GYG2: variants seen among roughly 807,000 people sequenced by gnomAD.
GYG2 encodes the protein glycogenin-2.
In GYG2, 29 loss-of-function variants were observed where a neutral mutation model predicts 29.4. That is an observed-to-expected ratio of 0.99 (90% confidence interval 0.74 to 1.35). The LOEUF is 1.35. Among genes scored for constraint, GYG2 ranks in the 40% most tolerant of loss-of-function variants. The pLI, the probability that GYG2 is intolerant of heterozygous loss-of-function variation, is 0.00. For missense variants in GYG2, 370 were observed against 385.7 expected (o/e 0.96, Z 0.34); for synonymous variants, 167 against 172.3 (o/e 0.97, Z 0.24).
chrX:2,850,847 C>T (rs931567464), intron 3 of GYG2, among the ~76,000 whole-genome samples: 2 of 110,505 alleles, frequency 1.8e-5, no homozygotes, highest in African/African-American at 3.3e-5. Flanking sequence ...ACTCTCTTTT[C>T]GGACTCAGCC....
rs769688516 is a variant in GYG2, at chrX:2,880,928, G to C, written c.1252-124G>C. On this transcript the variant is annotated intron_variant, in intron 10 of 10. Coordinates refer to ENST00000398806, the MANE Select transcript of GYG2 (RefSeq NM_001079855.2). The stretch of plus-strand genomic sequence containing the variant: ...ATTAAAAACAAAGTGCTAGTGATTC[G>C]CAATCTCTTTTTGAGAACTGAGATG... 3.4e-4 allele frequency: 194 copies of C among 574,981 alleles called. 1 individual carries two copies. The South Asian group carries it at 5.2e-3, about 15-fold the overall frequency. The allele number at this position is 574,981 out of a possible 1,213,427, so 47.4% of individuals were successfully genotyped here. A position where few individuals can be genotyped will look rare whatever the true frequency, so the allele number is the denominator to read the frequency against.
At chrX:2,857,107 A>G (rs62643586) in intron 6 of GYG2, among the ~76,000 whole-genome samples, 11,084 of 108,393 alleles carry the variant, frequency 0.1, 553 homozygotes, top group South Asian at 0.3. Context: ...AGATATCTAT[A>G]TACATTGATC....
chrX:2,868,236 G>A (rs1409654241), intron 8 of GYG2, among the ~76,000 whole-genome samples: 3 of 110,103 alleles, frequency 2.7e-5, no homozygotes, highest in South Asian at 7.9e-4. Flanking sequence ...GGCCGGGCAC[G>A]GTGGCTCACA....
rs779061573 is a variant in GYG2, at chrX:2,855,822, G to A, written c.487+667G>A. On this transcript the variant is annotated intron_variant, in intron 5 of 10. Transcript: ENST00000398806. The stretch of plus-strand genomic sequence containing the variant: ...CACCTGTAGTCCCCAAGCCCTGGGA[G>A]GCTGAGTTGGGAGCAGCAGCTGAGC... 7.2e-4 allele frequency among the ~76,000 whole-genome samples: 81 copies of A among 112,171 alleles called. 1 individual carries two copies. The highest frequency in any genetic ancestry group is 2.6e-3 in the African/African-American group (79 of 30,957).
At position 2,882,651 on chromosome X, in the gene GYG2, T is replaced by C. The variant is rs2088741150; in HGVS notation, c.*1438T>C. On this transcript the variant is annotated 3_prime_UTR_variant, in exon 11 of 11. Coordinates refer to ENST00000398806, the MANE Select transcript of GYG2 (RefSeq NM_001079855.2). ...GGCTTTCAGAAGGAGACCACGGGAATGTTCAGGGAAACAATGTCAGCTTCT... is the reference window on the plus strand; with the variant it reads ...GGCTTTCAGAAGGAGACCACGGGAACGTTCAGGGAAACAATGTCAGCTTCT... 9.1e-6 allele frequency: 1 copy of C among 110,314 alleles called. No homozygotes were observed. The highest frequency in any genetic ancestry group is 3.3e-5 in the African/African-American group (1 of 30,212). 9.1% of individuals were successfully genotyped at this position (110,314 alleles called of 1,213,427 possible).
At chrX:2,872,600 C>T (rs2088498674) in intron 8 of GYG2, among the ~76,000 whole-genome samples, 1 of 112,250 alleles carries the variant, frequency 8.9e-6, no homozygotes, top group African/African-American at 3.2e-5. Flanking sequence ...ACATATAACC[C>T]CGAGTTAAAT....
intron 8 of GYG2, among the ~76,000 whole-genome samples, chrX:2,869,314 C>A (rs1480090821): frequency 1.8e-5 from 2 of 111,820 alleles, no homozygotes; most frequent in Non-Finnish European, 3.8e-5. Flanking sequence ...ACAGTTCCAT[C>A]TTGTATCAGA....
intron 2 of GYG2, among the ~76,000 whole-genome samples, chrX:2,839,893 A>G (rs1167264797): frequency 8.9e-6 from 1 of 112,557 alleles, no homozygotes; most frequent in Non-Finnish European, 1.9e-5. Flanking sequence ...GGTTGCCAGA[A>G]TGGGGAGTGA....
At chrX:2,837,131 CT>C (rs2087390938) in intron 2 of GYG2, among the ~76,000 whole-genome samples, 2 of 111,826 alleles carry the variant, frequency 1.8e-5, no homozygotes, top group Non-Finnish European at 3.8e-5. Flanking sequence ...ACAGACGAGG[CT>C]TCTGGGACTC....
chrX:2,851,519 C>T (rs2087873125), intron 3 of GYG2, among the ~76,000 whole-genome samples: 1 of 112,196 alleles, frequency 8.9e-6, no homozygotes, highest in Admixed American at 9.5e-5. Flanking sequence ...GCTGGAATTA[C>T]AGGCATGAGC....
chrX:2,881,183 C>A lies in GYG2; in HGVS notation c.1383C>A (p.Ile461=). ...DYMGKDAFAR[I]QEKLDRFLQ ...TGGGGAAGGACGCGTTTGCTCGCAT[C>A]CAGGAGAAGCTGGACCGGTTCCTGC... The change falls in exon 11 of 11, where the codon ATC becomes ATA. Residue 461 remains isoleucine (I), a synonymous_variant. Coordinates refer to ENST00000398806, the MANE Select transcript of GYG2 (RefSeq NM_001079855.2). 8.4e-7 allele frequency: 1 copy of A among 1,197,394 alleles called. No individual in the cohort carries two copies. Among genetic ancestry groups the A allele is most frequent in the Non-Finnish European group, 1.1e-6 (1 of 888,011 alleles).
intron 6 of GYG2, among the ~76,000 whole-genome samples, chrX:2,859,128 AACT>A (rs747337196): frequency 1.0e-3 from 114 of 112,086 alleles, no homozygotes; most frequent in Non-Finnish European, 1.8e-3. Flanking sequence ...CTGCAAATGA[AACT>A]ACTACTACTA....
intron 4 of GYG2, among the ~76,000 whole-genome samples, chrX:2,854,618 C>T (rs1433465713): frequency 1.8e-5 from 2 of 111,847 alleles, no homozygotes; most frequent in Non-Finnish European, 3.8e-5. Context: ...GTATTTTACA[C>T]GCACAAAATA....
chrX:2,845,619 A>G (rs1005159909), intron 3 of GYG2, among the ~76,000 whole-genome samples: 6 of 105,571 alleles, frequency 5.7e-5, no homozygotes, highest in Admixed American at 2.0e-4. Context: ...TTATATACGC[A>G]TGTGTATTTA....
chrX:2,868,727 C>T (rs1049601717), intron 8 of GYG2, among the ~76,000 whole-genome samples: 1 of 110,630 alleles, frequency 9.0e-6, no homozygotes, highest in African/African-American at 3.3e-5. Context: ...GCATGCGGGG[C>T]TTAAAAGCTA....
chrX:2,847,638 A>C (rs2087767737), intron 3 of GYG2, among the ~76,000 whole-genome samples: 1 of 108,093 alleles, frequency 9.3e-6, no homozygotes, highest in Admixed American at 1.0e-4. Flanking sequence ...TCGGGAGGTT[A>C]AGGTTGCAAT....
rs1428157519 is a variant in GYG2, at chrX:2,856,956, CATCTGTTTATCTATCTATCT to C, written c.614+337_614+356del. Among the ~76,000 whole-genome samples, 133 of 101,582 alleles carry C rather than the reference CATCTGTTTATCTATCTATCT, an allele frequency of 1.3e-3. 1 individual carries two copies. Among genetic ancestry groups the C allele is most frequent in the East Asian group, 3.7e-3 (12 of 3,211 alleles). 88.2% of individuals were successfully genotyped at this position (101,582 alleles called of 115,157 possible). ...AGTTATCTACCTATATAGGCCTAGA[CATCTGTTTATCTATCTATCT>C]ATCTATCTATCTATCTATCTATCTA... On this transcript the variant is annotated intron_variant, in intron 6 of 10. Coordinates refer to ENST00000398806, the MANE Select transcript of GYG2 (RefSeq NM_001079855.2).
chrX:2,862,716 C>T (rs1017816342), intron 8 of GYG2, among the ~76,000 whole-genome samples: 1 of 111,357 alleles, frequency 9.0e-6, no homozygotes, highest in Non-Finnish European at 1.9e-5. Flanking sequence ...CGTCATTTCT[C>T]CAGCTCCAAT....
At chrX:2,869,349 T>C (rs895992867) in intron 8 of GYG2, among the ~76,000 whole-genome samples, 1 of 111,148 alleles carries the variant, frequency 9.0e-6, no homozygotes, top group Non-Finnish European at 1.9e-5. Flanking sequence ...TGGATTTTGG[T>C]ATAACCAGGA....
Sources: allele counts gnomAD v4.1 joint callset (sites outside exome capture counted in the v4.1 genomes callset), GRCh38; gene constraint gnomAD v4.1.1; transcripts MANE v1.5; gene names NCBI Gene and HGNC (gene_info 2026-07-23, HGNC 2026-07-21).